The following NUP210L variants were observed in gnomAD, a reference collection of about 807,000 sequenced individuals.
NUP210L encodes the protein nuclear pore membrane glycoprotein 210-like.
NUP210L carries 74 observed loss-of-function variants against 208.5 expected under a neutral mutation model. The observed-to-expected ratio is 0.35, with a 90% CI of 0.29 to 0.43. NUP210L has a LOEUF of 0.43. Among genes scored for constraint, NUP210L ranks in the 20% least tolerant of loss-of-function variants. NUP210L has a pLI of 1.00. For missense variants in NUP210L, 1,843 were observed against 2,289.4 expected, an observed-to-expected ratio of 0.81 and a Z score of 3.98; for synonymous variants, 780 against 816.9, an observed-to-expected ratio of 0.95 and a Z score of 0.77.
intron 12 of NUP210L, among the ~76,000 whole-genome samples, chr1:154,107,047 A>G (rs1479693479): frequency 1.3e-5 from 2 of 152,246 alleles, no homozygotes; most frequent in Admixed American, 6.5e-5. Flanking sequence ...TCCTGGAGTG[A>G]CAGAGCTATA....
chr1:154,061,813 A>T, intron 17 of NUP210L, 139 bp from the exon 18 acceptor site: 2 of 641,098 alleles, frequency 3.1e-6, no homozygotes, highest in South Asian at 3.6e-5. Flanking sequence ...ATGGGGAAAT[A>T]CATAAGAAAA....
intron 25 of NUP210L, among the ~76,000 whole-genome samples, chr1:154,047,452 G>A (rs183779969): frequency 2.6e-5 from 4 of 152,242 alleles, no homozygotes; most frequent in Admixed American, 2.6e-4. Flanking sequence ...TGTTCGTTAT[G>A]GCCATGATGC....
intron 15 of NUP210L, among the ~76,000 whole-genome samples, chr1:154,091,662 G>A (rs149432883): frequency 0.069 from 10,448 of 151,114 alleles, 509 homozygotes; most frequent in Non-Finnish European, 0.11. Context: ...CACCACGTCC[G>A]GCTAATTTTT....
intron 35 of NUP210L, among the ~76,000 whole-genome samples, chr1:154,008,631 C>T (rs923093955): frequency 1.3e-5 from 2 of 152,144 alleles, no homozygotes; most frequent in Non-Finnish European, 2.9e-5. Context: ...ACCTTGTAAC[C>T]GGGAGGCAGA....
chr1:153,995,104 C>A, exon 38 of NUP210L: 1 of 1,613,272 alleles, frequency 6.2e-7, no homozygotes, highest in Non-Finnish European at 8.5e-7. Context: ...TTGATGCCAG[C>A]ACTGCAAAGA....
At chr1:154,122,860 A>T (rs1657684603) in intron 10 of NUP210L, among the ~76,000 whole-genome samples, 1 of 151,720 alleles carries the variant, frequency 6.6e-6, no homozygotes, top group South Asian at 2.1e-4. Context: ...GGAGTTTGAG[A>T]CCAGCCAGGG....
chr1:154,127,550 G>GT (rs1658046217), intron 8 of NUP210L, 133 bp from the exon 9 acceptor site: 5 of 328,140 alleles, frequency 1.5e-5, no homozygotes, highest in Non-Finnish European at 1.0e-5. Context: ...TCCAAAGTAG[G>GT]TTCTTTTTTT....
At chr1:154,147,005 G>A (rs189331202) in intron 2 of NUP210L, among the ~76,000 whole-genome samples, 46 of 152,036 alleles carry the variant, frequency 3.0e-4, no homozygotes, top group African/African-American at 1.1e-3. Flanking sequence ...TAATTTTTTA[G>A]TTTTTTGTAG....
chr1:154,098,894 C>G (rs1656316255), intron 14 of NUP210L, among the ~76,000 whole-genome samples: 1 of 152,224 alleles, frequency 6.6e-6, no homozygotes, highest in South Asian at 2.1e-4. Context: ...CCAAGGGGCA[C>G]CTGCGGGCCA....
intron 2 of NUP210L, among the ~76,000 whole-genome samples, chr1:154,146,255 T>C (rs1659105010): frequency 6.6e-6 from 1 of 152,012 alleles, no homozygotes; most frequent in South Asian, 2.1e-4. Flanking sequence ...AATTATAACA[T>C]TGAAATATAG....
At chr1:154,127,171 T>C (rs1170563293) in intron 9 of NUP210L, 140 bp downstream of exon 9, 1 of 450,358 alleles carries the variant, frequency 2.2e-6, no homozygotes, top group Non-Finnish European at 3.9e-6. Context: ...TAATAATAAA[T>C]TAGCAACTTG....
chr1:154,036,225 C>G (rs1427714052), intron 27 of NUP210L, among the ~76,000 whole-genome samples: 3 of 150,698 alleles, frequency 2.0e-5, no homozygotes, highest in Non-Finnish European at 2.9e-5. Flanking sequence ...AGTTTTATTC[C>G]ATTGTGGTCA....
chr1:154,119,855 C>T (rs938729887), intron 10 of NUP210L, among the ~76,000 whole-genome samples: 25 of 152,258 alleles, frequency 1.6e-4, no homozygotes, highest in African/African-American at 5.1e-4. Context: ...AATAAACATA[C>T]GTGTGCATGT....
Position 154,035,784 on chromosome 1 carries a change from A to C in NUP210L, c.3697-5730T>G, listed in dbSNP as rs1466758010. 1.3e-5 allele frequency among the ~76,000 whole-genome samples: 2 copies of C among 151,582 alleles called. 1 individual carries two copies. Among genetic ancestry groups the C allele is most frequent in the East Asian group, 3.9e-4 (2 of 5,180 alleles). The stretch of plus-strand genomic sequence containing the variant: ...AGTCTTACTTTGTCACCCAGGCTGG[A>C]GTGCAGTGGCATGATCTCGGCTCAT... On this transcript the variant is annotated intron_variant, in intron 27 of 39. Transcript: ENST00000368559.
intron 12 of NUP210L, among the ~76,000 whole-genome samples, chr1:154,106,178 T>C (rs1377135104): frequency 6.6e-6 from 1 of 151,960 alleles, no homozygotes; most frequent in Non-Finnish European, 1.5e-5. Context: ...AGGGAATCGC[T>C]CGAACCCAGG....
In NUP210L at chr1:154,129,348, T is replaced by C; in HGVS notation, c.1010-3A>G. 1 of 1,602,524 alleles carries C rather than the reference T, an allele frequency of 6.2e-7. No individual in the cohort carries two copies. Among genetic ancestry groups the C allele is most frequent in the Non-Finnish European group, 8.5e-7 (1 of 1,172,364 alleles). On this transcript the variant is annotated splice_polypyrimidine_tract_variant and splice_region_variant and intron_variant, in intron 7 of 39. Coordinates refer to ENST00000368559, the Ensembl canonical transcript of NUP210L. Reference sequence around the variant, plus strand: ...AGACACAGATCGCATATGAACATCTTAATTTTTGCTTAAGGAAATCATGTG... The same window carrying C: ...AGACACAGATCGCATATGAACATCTCAATTTTTGCTTAAGGAAATCATGTG...
chr1:154,099,894 G>T (rs1053286731), intron 14 of NUP210L, 104 bp downstream of exon 14: 10 of 1,148,794 alleles, frequency 8.7e-6, no homozygotes, highest in Non-Finnish European at 1.1e-5. Flanking sequence ...GAACATAAAT[G>T]TCATTGATCC....
rs899455560 is a variant in NUP210L at position 154,117,695 on chromosome 1, G to A, written c.1620+30C>T. The A allele has an allele frequency of 3.8e-6, 6 of 1,570,778 alleles. No individual in the cohort carries two copies. The African/African-American group carries it at 6.8e-5, about 18-fold the overall frequency. ...TAAATTTAGACAGTAGTGTTGTAGG[G>A]GTAATAAGAATATCTGGAGAGTCGT... On this transcript the variant is annotated intron_variant, in intron 12 of 39. Coordinates refer to ENST00000368559, the Ensembl canonical transcript of NUP210L.
intron 15 of NUP210L, among the ~76,000 whole-genome samples, chr1:154,091,084 T>TTGC (rs1229466688): frequency 4.1e-5 from 6 of 145,202 alleles, no homozygotes; most frequent in Non-Finnish European, 9.1e-5. Context: ...ATTATTATTA[T>TTGC]TATTATTATT....
Sources: allele counts gnomAD v4.1 joint callset (sites outside exome capture counted in the v4.1 genomes callset), GRCh38; gene constraint gnomAD v4.1.1; transcripts MANE v1.5; gene names NCBI Gene and HGNC (gene_info 2026-07-23, HGNC 2026-07-21).